Variants in GRM1 observed in about 807,000 individuals in gnomAD.
GRM1 encodes metabotropic glutamate receptor 1.
GRM1 carries 33 observed loss-of-function variants against 90.9 expected under a neutral mutation model. That is an observed-to-expected ratio of 0.36 (90% CI 0.28 to 0.49). GRM1 has a LOEUF of 0.49. Ranked by LOEUF, GRM1 falls within the 20% of genes least tolerant of loss-of-function variation. The pLI is 0.99. For missense variants in GRM1, 1,190 were observed against 1,534.3 expected, an observed-to-expected ratio of 0.78 and a Z score of 3.75; for synonymous variants, 700 against 613.2, an observed-to-expected ratio of 1.14 and a Z score of -2.09.
chr6:146,375,777 T>C (rs1776077257), intron 5 of GRM1, among the ~76,000 whole-genome samples: 1 of 152,104 alleles, frequency 6.6e-6, no homozygotes, highest in Non-Finnish European at 1.5e-5. Flanking sequence ...TCTAACCATG[T>C]CTTTATAGGT....
intron 7 of GRM1, among the ~76,000 whole-genome samples, chr6:146,411,531 C>A (rs1030943761): frequency 6.6e-6 from 1 of 152,056 alleles, no homozygotes; most frequent in Admixed American, 6.6e-5. Flanking sequence ...GCAGTGTGCA[C>A]TGTGATTGGT....
chr6:146,327,602 G>T (rs1237386644), intron 3 of GRM1, among the ~76,000 whole-genome samples: 1 of 152,144 alleles, frequency 6.6e-6, no homozygotes, highest in Admixed American at 6.5e-5. Context: ...AGCCAAGGTC[G>T]TAATGACTAA....
intron 2 of GRM1, among the ~76,000 whole-genome samples, chr6:146,181,676 T>A (rs1435000243): frequency 1.3e-5 from 2 of 152,254 alleles, no homozygotes; most frequent in Middle Eastern, 3.4e-3. Context: ...TTATTATAGC[T>A]CAAGCTGTCA....
chr6:146,398,719 T>C, intron 6 of GRM1, 50 bp from the exon 7 acceptor site: 1 of 1,243,470 alleles, frequency 8.0e-7, no homozygotes. Context: ...CAAGTTGTTA[T>C]TCCTAGCAGA....
intron 2 of GRM1, among the ~76,000 whole-genome samples, chr6:146,266,498 AT>A (rs1477869202): frequency 1.3e-5 from 2 of 152,126 alleles, no homozygotes; most frequent in Admixed American, 6.5e-5. Flanking sequence ...ACAAGAATGA[AT>A]TGTCTGTCGT....
intron 7 of GRM1, among the ~76,000 whole-genome samples, chr6:146,416,701 G>A (rs1489842202): frequency 1.3e-5 from 2 of 152,142 alleles, no homozygotes; most frequent in Non-Finnish European, 2.9e-5. Context: ...TATAAAACTT[G>A]TTCTGCTTCA....
chr6:146,193,398 G>C (rs749307310), intron 2 of GRM1, among the ~76,000 whole-genome samples: 12 of 152,134 alleles, frequency 7.9e-5, no homozygotes, highest in Admixed American at 2.6e-4. Flanking sequence ...ATAACTACAA[G>C]CAAGTAAAGA....
At chr6:146,028,679 T>C (rs1161420475), upstream of GRM1, among the ~76,000 whole-genome samples, 1 of 152,212 alleles carries the variant, frequency 6.6e-6, no homozygotes, top group Non-Finnish European at 1.5e-5. Flanking sequence ...TTCTTCAAGC[T>C]GGCAAATTTA....
chr6:146,066,484 C>G (rs780351780), intron 1 of GRM1, among the ~76,000 whole-genome samples: 2 of 152,102 alleles, frequency 1.3e-5, no homozygotes, highest in Non-Finnish European at 2.9e-5. Context: ...GATTCCATGT[C>G]TTTGCCATTG....
chr6:146,209,927 A>G (rs765608868), intron 2 of GRM1, among the ~76,000 whole-genome samples: 1 of 152,194 alleles, frequency 6.6e-6, no homozygotes, highest in Non-Finnish European at 1.5e-5. Flanking sequence ...ATGTAGTGGT[A>G]CTACAATAAA....
rs1246585564 is a variant in GRM1, at chr6:146,357,509, C to T, written c.1434-17C>T. 2 of 1,598,354 alleles carry T rather than the reference C, an allele frequency of 1.3e-6. No homozygotes were observed. Among genetic ancestry groups the T allele is most frequent in the Non-Finnish European group, 1.7e-6 (2 of 1,165,590 alleles). On this transcript the variant is annotated splice_polypyrimidine_tract_variant and intron_variant, in intron 4 of 7. Coordinates refer to ENST00000282753, the MANE Select transcript of GRM1 (RefSeq NM_001278064.2). ...ATGTCTATATTCTATAAGACATGCACATTGTGCTCTTTGTAGGTATGATAT... is the reference window on the plus strand; with the variant it reads ...ATGTCTATATTCTATAAGACATGCATATTGTGCTCTTTGTAGGTATGATAT...
At chr6:146,074,210 C>T (rs1776108563) in intron 1 of GRM1, among the ~76,000 whole-genome samples, 1 of 152,090 alleles carries the variant, frequency 6.6e-6, no homozygotes, top group Non-Finnish European at 1.5e-5. Flanking sequence ...ATTTCTTCTC[C>T]TCCTCCCTAG....
chr6:146,193,243 T>G (rs996765366), intron 2 of GRM1, among the ~76,000 whole-genome samples: 9 of 152,166 alleles, frequency 5.9e-5, no homozygotes, highest in African/African-American at 2.2e-4. Flanking sequence ...GGGCTGAAGA[T>G]GCACATTTGG....
intron 2 of GRM1, among the ~76,000 whole-genome samples, chr6:146,216,581 GAA>G (rs1175481877): frequency 6.6e-6 from 1 of 152,168 alleles, no homozygotes; most frequent in East Asian, 1.9e-4. Context: ...CTGGTTCTTA[GAA>G]AAGTTTATTA....
chr6:146,176,670 T>C (rs1284225156), intron 2 of GRM1, among the ~76,000 whole-genome samples: 1 of 152,094 alleles, frequency 6.6e-6, no homozygotes, highest in Non-Finnish European at 1.5e-5. Context: ...TTAAATATTG[T>C]ATATTTTCTA....
intron 5 of GRM1, among the ~76,000 whole-genome samples, chr6:146,358,260 T>C (rs1785665380): frequency 6.6e-6 from 1 of 152,152 alleles, no homozygotes; most frequent in African/African-American, 2.4e-5. Flanking sequence ...AGTGAGTAAC[T>C]ATGACATCAG....
chr6:146,048,570 C>G (rs992648587), intron 1 of GRM1, among the ~76,000 whole-genome samples: 2 of 151,920 alleles, frequency 1.3e-5, no homozygotes, highest in African/African-American at 4.8e-5. Flanking sequence ...AACCCTAATA[C>G]CTGATATCTC....
chr6:146,247,437 A>G (rs530905045), intron 2 of GRM1, among the ~76,000 whole-genome samples: 4 of 152,252 alleles, frequency 2.6e-5, no homozygotes, highest in Admixed American at 6.5e-5. Context: ...AGAGGAATCA[A>G]TGTTAAAGCA....
intron 2 of GRM1, among the ~76,000 whole-genome samples, chr6:146,236,804 G>C (rs1158587232): frequency 6.6e-5 from 10 of 152,074 alleles, no homozygotes; most frequent in Admixed American, 6.6e-4. Flanking sequence ...TGCCTTTCTT[G>C]CAGGGCTGCT....
Sources: allele counts gnomAD v4.1 joint callset (sites outside exome capture counted in the v4.1 genomes callset), GRCh38; gene constraint gnomAD v4.1.1; transcripts MANE v1.5; gene names NCBI Gene and HGNC (gene_info 2026-07-23, HGNC 2026-07-21).